KIAA1217: variants seen among roughly 807,000 people sequenced by gnomAD.
KIAA1217 encodes the protein sickle tail protein homolog.
In KIAA1217, 88 loss-of-function variants were observed where a neutral mutation model predicts 163.9. The ratio of observed to expected loss-of-function variants is 0.54; its 90% CI spans 0.45 to 0.64. The LOEUF (loss-of-function observed/expected upper bound fraction) is 0.64. KIAA1217 is among the 30% of genes least tolerant of loss of function. KIAA1217 has a pLI of 0.00. For synonymous variants in KIAA1217, 903 were observed against 923.1 expected (o/e 0.98, Z 0.39); for missense variants, 2,372 against 2,475.0 (o/e 0.96, Z 0.88).
At chr10:24,163,652 C>A (rs1478284806) in intron 2 of KIAA1217, among the ~76,000 whole-genome samples, 1 of 152,172 alleles carries the variant, frequency 6.6e-6, no homozygotes, top group Non-Finnish European at 1.5e-5. Context: ...AAGTGTAGTA[C>A]ACATATTCTA....
chr10:24,366,933 A>G lies in KIAA1217; in HGVS notation c.355-13936A>G, dbSNP rs916583171. 3.3e-5 allele frequency among the ~76,000 whole-genome samples: 5 copies of G among 152,254 alleles called. No individual in the cohort carries two copies. The South Asian group carries it at 1.0e-3, about 32-fold the overall frequency. On this transcript the variant is annotated intron_variant, in intron 2 of 20. Coordinates refer to ENST00000376454, the MANE Select transcript of KIAA1217 (RefSeq NM_019590.5). ...ACCCATTGCTAGTTAAGGCTTCAACATGTCTTTCTAAAATATAAGGATGGA... is the reference window on the plus strand; with the variant it reads ...ACCCATTGCTAGTTAAGGCTTCAACGTGTCTTTCTAAAATATAAGGATGGA...
intron 1 of KIAA1217, among the ~76,000 whole-genome samples, chr10:23,997,532 T>C (rs1366211738): frequency 6.6e-6 from 1 of 152,158 alleles, no homozygotes; most frequent in South Asian, 2.1e-4. Context: ...ACAAAAATAA[T>C]TTGTGGTAGG....
At chr10:24,506,072 G>C (rs1187936369) in intron 9 of KIAA1217, among the ~76,000 whole-genome samples, 1 of 152,104 alleles carries the variant, frequency 6.6e-6, no homozygotes, top group South Asian at 2.1e-4. Context: ...AATGTGCCAA[G>C]GTCTAGTCAG....
intron 2 of KIAA1217, among the ~76,000 whole-genome samples, chr10:24,064,212 C>T: frequency 6.6e-6 from 1 of 152,256 alleles, no homozygotes; most frequent in Middle Eastern, 3.4e-3. Flanking sequence ...GCATCCCTGT[C>T]TTGTGCCAGT....
intron 1 of KIAA1217, among the ~76,000 whole-genome samples, chr10:23,778,629 C>T (rs1835111926): frequency 6.6e-6 from 1 of 152,160 alleles, no homozygotes; most frequent in African/African-American, 2.4e-5. Context: ...AAGTTGTAAG[C>T]AGGGACAAAA....
At chr10:23,824,695 T>G (rs544467525) in intron 1 of KIAA1217, among the ~76,000 whole-genome samples, 1 of 137,010 alleles carries the variant, frequency 7.3e-6, no homozygotes, top group African/African-American at 2.7e-5. Flanking sequence ...ATATATGATA[T>G]GTAAAGGAGA....
intron 2 of KIAA1217, among the ~76,000 whole-genome samples, chr10:24,143,560 A>G (rs1382020566): frequency 6.6e-6 from 1 of 152,058 alleles, no homozygotes; most frequent in Non-Finnish European, 1.5e-5. Context: ...ACCAGGCCCG[A>G]CCTAGTATCC....
chr10:24,520,176 G>A lies in KIAA1217; in HGVS notation c.2231G>A (p.Arg744Gln), dbSNP rs1282827648. The part of the protein sequence containing the change: ...DLKKDSTAAS[R>Q]LVTLKDVEDG... Reference sequence around the variant, plus strand: ...AAGAAGGACTCCACGGCAGCCAGCCGATTGGTTACTCTGAAAGACGTGGAA... The same window carrying A: ...AAGAAGGACTCCACGGCAGCCAGCCAATTGGTTACTCTGAAAGACGTGGAA... The change falls in exon 11 of 21, where the codon CGA becomes CAA. Residue 744 changes from arginine to glutamine, a missense_variant. By Grantham distance (43) the Arg-to-Gln change is conservative (BLOSUM62 1). Around this residue, in one of 3 missense-constraint regions of KIAA1217, gnomAD observed 1,431 missense variants for 1,470.3 expected, o/e 0.97. Transcript: ENST00000376454. 2 of 1,614,086 alleles carry A rather than the reference G, an allele frequency of 1.2e-6. No individual in the cohort carries two copies. Among genetic ancestry groups the A allele is most frequent in the African/African-American group, 1.3e-5 (1 of 75,008 alleles).
intron 3 of KIAA1217, among the ~76,000 whole-genome samples, chr10:24,405,174 G>A (rs1389040702): frequency 1.3e-5 from 2 of 152,168 alleles, no homozygotes; most frequent in Non-Finnish European, 2.9e-5. Flanking sequence ...AATAAGCTCT[G>A]TGGGTTGCAG....
intron 1 of KIAA1217, among the ~76,000 whole-genome samples, chr10:23,719,408 C>T (rs933054163): frequency 2.0e-5 from 3 of 152,052 alleles, no homozygotes; most frequent in African/African-American, 7.2e-5. Context: ...TAGCGACACG[C>T]TATCTCTACA....
At chr10:24,124,765 C>G (rs968303528) in intron 2 of KIAA1217, among the ~76,000 whole-genome samples, 1 of 152,110 alleles carries the variant, frequency 6.6e-6, no homozygotes, top group African/African-American at 2.4e-5. Flanking sequence ...TTCTGCTATT[C>G]TGGGAAAAAC....
intron 2 of KIAA1217, chr10:24,367,102 T>G: frequency 1.0e-6 from 1 of 979,532 alleles, no homozygotes; most frequent in Non-Finnish European, 1.2e-6. Context: ...TTTTTCTTGT[T>G]TTCTCCTGGT....
At chr10:23,748,077 T>C (rs996509389) in intron 1 of KIAA1217, among the ~76,000 whole-genome samples, 2 of 152,178 alleles carry the variant, frequency 1.3e-5, no homozygotes, top group Non-Finnish European at 2.9e-5. Flanking sequence ...CATTCTCAGG[T>C]GCTTCTCAAA....
intron 1 of KIAA1217, among the ~76,000 whole-genome samples, chr10:23,820,251 T>G (rs1837557661): frequency 6.6e-6 from 1 of 152,172 alleles, no homozygotes; most frequent in African/African-American, 2.4e-5. Flanking sequence ...ATATCCCTTA[T>G]CTCACAGAGC....
chr10:23,966,985 C>T (rs1322373053), intron 1 of KIAA1217, among the ~76,000 whole-genome samples: 1 of 151,848 alleles, frequency 6.6e-6, no homozygotes. Context: ...GGAAAAGTGG[C>T]TAATCTGGTG....
Position 24,126,744 on chromosome 10 carries a change from C to T in KIAA1217, c.-170-92882C>T, listed in dbSNP as rs1361439914. Among the ~76,000 whole-genome samples the T allele has an allele frequency of 2.0e-5, 3 of 151,944 alleles. No homozygotes were observed. The East Asian group carries it at 5.8e-4, about 29-fold the overall frequency. ...AAATTCTGAGTGATACTGTCTCTTC[C>T]CTTCACTTGGCATCTAGATAGAAAC... On this transcript the variant is annotated intron_variant, in intron 2 of 18. Transcript: ENST00000376462.
chr10:24,092,890 CTG>C (rs1359664977), intron 2 of KIAA1217, among the ~76,000 whole-genome samples: 1 of 147,324 alleles, frequency 6.8e-6, no homozygotes, highest in Non-Finnish European at 1.5e-5. Context: ...GTGAATTTTA[CTG>C]TGTGTATGTA....
intron 1 of KIAA1217, among the ~76,000 whole-genome samples, chr10:23,918,891 A>G (rs901050220): frequency 2.0e-5 from 3 of 152,140 alleles, no homozygotes; most frequent in African/African-American, 7.2e-5. Context: ...ACAGAGTCAG[A>G]GCCAAGTCCC....
intron 9 of KIAA1217, among the ~76,000 whole-genome samples, chr10:24,510,256 T>C (rs893571015): frequency 6.6e-6 from 1 of 152,166 alleles, no homozygotes; most frequent in Non-Finnish European, 1.5e-5. Flanking sequence ...GCCTCACTTT[T>C]CCCACCTTTC....
Sources: gnomAD v4.1 joint callset for allele counts (sites outside exome capture counted in the v4.1 genomes callset) on GRCh38, gnomAD v4.1.1 for gene constraint, gnomAD v4.1.1 regional missense constraint, MANE v1.5 for transcripts, NCBI Gene and HGNC (gene_info 2026-07-23, HGNC 2026-07-21) for gene names.